Variants in SORCS2 observed in about 807,000 individuals in gnomAD.
SORCS2 encodes VPS10 domain-containing receptor SorCS2.
In SORCS2, 100 loss-of-function variants were observed where a neutral mutation model predicts 141.6. That is an observed-to-expected ratio of 0.71 (90% CI 0.60 to 0.83). The LOEUF (loss-of-function observed/expected upper bound fraction) is 0.83. Ranked by LOEUF, SORCS2 falls within the 40% of genes least tolerant of loss-of-function variation. The probability of loss-of-function intolerance (pLI) is 0.00; values close to 1 mark genes in which losing one functional copy is unlikely to be tolerated. For synonymous variants in SORCS2, 789 were observed against 676.9 expected (o/e 1.17, Z -2.57); for missense variants, 1,646 against 1,560.2 (o/e 1.05, Z -0.93).
chr4:7,289,928 G>A (rs1383112105), intron 1 of SORCS2, among the ~76,000 whole-genome samples: 1 of 152,110 alleles, frequency 6.6e-6, no homozygotes, highest in Non-Finnish European at 1.5e-5. Context: ...CACCCTGATC[G>A]CAGCCAGGGG....
At chr4:7,590,251 C>T (rs764756274) in intron 3 of SORCS2, among the ~76,000 whole-genome samples, 24 of 152,126 alleles carry the variant, frequency 1.6e-4, no homozygotes, top group Non-Finnish European at 2.2e-4. Context: ...AAATATGTGG[C>T]GGAAAATTAT....
chr4:7,701,822 A>G (rs1188857895), intron 12 of SORCS2, among the ~76,000 whole-genome samples: 6 of 152,280 alleles, frequency 3.9e-5, no homozygotes, highest in East Asian at 3.9e-4. Flanking sequence ...ACGGGCGCAG[A>G]TGCTTCTCTT....
At chr4:7,197,727 A>G (rs1727252521) in intron 1 of SORCS2, among the ~76,000 whole-genome samples, 1 of 152,126 alleles carries the variant, frequency 6.6e-6, no homozygotes, top group African/African-American at 2.4e-5. Flanking sequence ...AATAGATTAA[A>G]AAGTCAGCTC....
At chr4:7,402,680 C>T (rs1724668700) in intron 2 of SORCS2, among the ~76,000 whole-genome samples, 1 of 152,164 alleles carries the variant, frequency 6.6e-6, no homozygotes. Context: ...TTTTTCTCTA[C>T]CTATTGCCAG....
rs115230945 is a variant in SORCS2 at position 7,592,635 on chromosome 4, G to A, written c.649-45693G>A. 2.3e-3 allele frequency among the ~76,000 whole-genome samples: 346 copies of A among 152,340 alleles called. 2 individuals are homozygous for A. Among genetic ancestry groups the A allele is most frequent in the African/African-American group, 8.0e-3 (332 of 41,590 alleles). On this transcript the variant is annotated intron_variant, in intron 3 of 26. Transcript: ENST00000507866. ...TCTCAACAACTGAGATGGAGCTTCTGTTACATGGGGTCCCCGAATGACTGT... is the reference window on the plus strand; with the variant it reads ...TCTCAACAACTGAGATGGAGCTTCTATTACATGGGGTCCCCGAATGACTGT...
intron 14 of SORCS2, among the ~76,000 whole-genome samples, chr4:7,704,596 G>A (rs1342968086): frequency 6.6e-6 from 1 of 152,222 alleles, no homozygotes; most frequent in Non-Finnish European, 1.5e-5. Flanking sequence ...AGAGCTGGCT[G>A]TGACCCTCTC....
At chr4:7,232,105 A>G (rs546571599) in intron 1 of SORCS2, among the ~76,000 whole-genome samples, 1 of 152,196 alleles carries the variant, frequency 6.6e-6, no homozygotes, top group South Asian at 2.1e-4. Flanking sequence ...GTGGTGGGAG[A>G]GTCACTGTCT....
At chr4:7,355,316 G>C (rs983362921) in intron 1 of SORCS2, among the ~76,000 whole-genome samples, 1 of 152,154 alleles carries the variant, frequency 6.6e-6, no homozygotes, top group African/African-American at 2.4e-5. Context: ...CCATCGCACA[G>C]ATCTCTCTGG....
intron 2 of SORCS2, among the ~76,000 whole-genome samples, chr4:7,519,660 C>T (rs1733198845): frequency 6.6e-6 from 1 of 152,242 alleles, no homozygotes; most frequent in Non-Finnish European, 1.5e-5. Flanking sequence ...CTCATCCCTT[C>T]ATTGCTGCTG....
intron 3 of SORCS2, among the ~76,000 whole-genome samples, chr4:7,624,405 G>A (rs1022220099): frequency 4.6e-5 from 7 of 152,208 alleles, no homozygotes; most frequent in African/African-American, 1.7e-4. Flanking sequence ...GAACGATAAG[G>A]GAATGATAAG....
chr4:7,408,994 C>G (rs1725141174), intron 2 of SORCS2, among the ~76,000 whole-genome samples: 2 of 152,094 alleles, frequency 1.3e-5, no homozygotes, highest in South Asian at 4.1e-4. Context: ...TCTGTGTTAT[C>G]TTGAAGTTTT....
chr4:7,586,571 C>T (rs1044755419), intron 3 of SORCS2, among the ~76,000 whole-genome samples: 3 of 152,164 alleles, frequency 2.0e-5, no homozygotes, highest in African/African-American at 7.2e-5. Flanking sequence ...TAAGTGAGAA[C>T]ATGTGGTGTT....
chr4:7,628,624 G>T (rs376113747), intron 3 of SORCS2, among the ~76,000 whole-genome samples: 1 of 152,140 alleles, frequency 6.6e-6, no homozygotes, highest in African/African-American at 2.4e-5. Context: ...GGTAGGGCTT[G>T]GGATCTAGCA....
At chr4:7,667,586 G>A (rs1247533925) in intron 8 of SORCS2, among the ~76,000 whole-genome samples, 1 of 152,130 alleles carries the variant, frequency 6.6e-6, no homozygotes, top group Admixed American at 6.5e-5. Flanking sequence ...GGTGCCCAGG[G>A]TGCCAGGGAC....
At chr4:7,551,649 G>A (rs982448897) in intron 3 of SORCS2, among the ~76,000 whole-genome samples, 3 of 152,190 alleles carry the variant, frequency 2.0e-5, no homozygotes, top group African/African-American at 7.2e-5. Context: ...GACATGAGCT[G>A]GGTCTTCTCT....
chr4:7,623,014 A>G (rs1719303700), intron 3 of SORCS2, among the ~76,000 whole-genome samples: 2 of 152,010 alleles, frequency 1.3e-5, no homozygotes, highest in African/African-American at 4.8e-5. Context: ...CTGATGACCG[A>G]TGGCATATGG....
intron 1 of SORCS2, among the ~76,000 whole-genome samples, chr4:7,317,154 C>T (rs551041103): frequency 6.6e-6 from 1 of 152,270 alleles, no homozygotes; most frequent in East Asian, 1.9e-4. Context: ...AATAAATGGC[C>T]ATGGTGTGCC....
intron 3 of SORCS2, among the ~76,000 whole-genome samples, chr4:7,534,728 T>C (rs1191120884): frequency 1.3e-5 from 2 of 152,004 alleles, no homozygotes; most frequent in Admixed American, 6.5e-5. Context: ...CGGAAAGAAG[T>C]TGGAAAAGCC....
intron 2 of SORCS2, among the ~76,000 whole-genome samples, chr4:7,467,053 C>A (rs1390683419): frequency 6.6e-6 from 1 of 152,160 alleles, no homozygotes; most frequent in Non-Finnish European, 1.5e-5. Flanking sequence ...AGGGAAGACA[C>A]TGAAGCATTG....
Sources: gnomAD v4.1 joint callset for allele counts (sites outside exome capture counted in the v4.1 genomes callset) on GRCh38, gnomAD v4.1.1 for gene constraint, MANE v1.5 for transcripts, NCBI Gene and HGNC (gene_info 2026-07-23, HGNC 2026-07-21) for gene names.